Variants in ENAH observed in about 807,000 individuals in gnomAD.
ENAH encodes ENAH actin regulator.
Under a neutral mutation model 78.7 loss-of-function variants are expected in ENAH, and 23 were observed. The observed-to-expected ratio is 0.29, with a 90% CI of 0.21 to 0.41. The LOEUF is 0.41. ENAH is among the 10% of genes least tolerant of loss of function. The probability of loss-of-function intolerance (pLI) is 1.00; values close to 1 mark genes in which losing one functional copy is unlikely to be tolerated. For synonymous variants in ENAH, 226 were observed against 241.0 expected (o/e 0.94, Z 0.58); for missense variants, 544 against 691.0 (o/e 0.79, Z 2.39).
At chr1:225,602,269 A>T (rs1213997449) in intron 1 of ENAH, among the ~76,000 whole-genome samples, 1 of 152,146 alleles carries the variant, frequency 6.6e-6, no homozygotes, top group Non-Finnish European at 1.5e-5. Flanking sequence ...CCGTGATGAG[A>T]CCTTTTTTTA....
At chr1:225,609,754 T>A (rs915752900) in intron 1 of ENAH, among the ~76,000 whole-genome samples, 1 of 127,964 alleles carries the variant, frequency 7.8e-6, no homozygotes, top group South Asian at 2.6e-4. Context: ...AACATCCACC[T>A]CTCAGGTTCA....
intron 2 of ENAH, among the ~76,000 whole-genome samples, chr1:225,556,405 T>C (rs570142720): frequency 5.3e-5 from 8 of 152,330 alleles, no homozygotes; most frequent in African/African-American, 1.9e-4. Context: ...TTAGCAATTC[T>C]GGTGGGTATG....
At chr1:225,557,627 C>G (rs1178619797) in intron 2 of ENAH, among the ~76,000 whole-genome samples, 1 of 152,164 alleles carries the variant, frequency 6.6e-6, no homozygotes, top group Non-Finnish European at 1.5e-5. Context: ...TCAAGACCAG[C>G]CTGGCCAACA....
At chr1:225,631,945 AG>A (rs1659162289) in intron 1 of ENAH, among the ~76,000 whole-genome samples, 1 of 150,794 alleles carries the variant, frequency 6.6e-6, no homozygotes. Flanking sequence ...TAACAGTTTA[AG>A]TTTTTCTCCT....
chr1:225,608,220 G>GAA (rs60998592), intron 1 of ENAH, among the ~76,000 whole-genome samples: 1,581 of 91,276 alleles, frequency 0.017, 40 homozygotes, highest in African/African-American at 0.055. Flanking sequence ...ATAAAAAACA[G>GAA]AAAAAAAAAA....
intron 3 of ENAH, 47 bp from the exon 4 acceptor site, chr1:225,530,685 G>C (rs1480544977): frequency 4.4e-6 from 6 of 1,369,540 alleles, no homozygotes; most frequent in Non-Finnish European, 6.3e-6. Flanking sequence ...TTCATATCTA[G>C]CTGGACAGAG....
chr1:225,615,033 C>A (rs2097017257), intron 1 of ENAH, among the ~76,000 whole-genome samples: 1 of 132,372 alleles, frequency 7.6e-6, no homozygotes, highest in Admixed American at 7.4e-5. Context: ...GATGCCCTCT[C>A]CCCGGTCTCC....
intron 11 of ENAH, among the ~76,000 whole-genome samples, chr1:225,504,064 T>G (rs1575313784): frequency 6.6e-6 from 1 of 151,866 alleles, no homozygotes; most frequent in African/African-American, 2.4e-5. Flanking sequence ...TAGGGTGCAG[T>G]GGTGTTATCA....
At chr1:225,507,827 G>A in intron 11 of ENAH, 124 bp downstream of exon 11, 2 of 580,774 alleles carry the variant, frequency 3.4e-6, no homozygotes, top group East Asian at 3.2e-5. Context: ...ATACTAGGAG[G>A]ATCACGAGAG....
At chr1:225,517,868 G>C in intron 5 of ENAH, 1 of 1,551,488 alleles carries the variant, frequency 6.4e-7, no homozygotes, top group Non-Finnish European at 8.7e-7. Context: ...GCATAATCAG[G>C]AGTGGCATCT....
chr1:225,642,238 T>C (rs1295872473), intron 1 of ENAH, among the ~76,000 whole-genome samples: 1 of 149,714 alleles, frequency 6.7e-6, no homozygotes, highest in African/African-American at 2.5e-5. Flanking sequence ...AAGATACATA[T>C]AGTAAAGTTT....
At chr1:225,506,355 T>C (rs2096329324) in intron 11 of ENAH, among the ~76,000 whole-genome samples, 1 of 152,158 alleles carries the variant, frequency 6.6e-6, no homozygotes. Context: ...GCCCAGCTAA[T>C]TTTTGTATTT....
intron 3 of ENAH, among the ~76,000 whole-genome samples, chr1:225,534,327 C>A (rs1189326785): frequency 6.6e-6 from 1 of 152,102 alleles, no homozygotes; most frequent in Non-Finnish European, 1.5e-5. Context: ...ACACAATAGG[C>A]TCACTGCTGT....
Position 225,623,122 on chromosome 1 carries a change from G to C in ENAH, c.5+29564C>G, listed in dbSNP as rs920887580. On this transcript the variant is annotated intron_variant, in intron 1 of 13. Transcript: ENST00000366843. ...AAGAAAGGCAGATAGAATTTTTCAA[G>C]ACACTAGAGTTCTTACTACGGATTT... Among the ~76,000 whole-genome samples the C allele has an allele frequency of 2.0e-5, 3 of 152,124 alleles. No individual in the cohort carries two copies. In the East Asian group the frequency reaches 5.8e-4, roughly 29 times the overall value.
chr1:225,512,545 A>G (rs572456103), intron 9 of ENAH, 112 bp downstream of exon 9: 19 of 1,092,448 alleles, frequency 1.7e-5, no homozygotes, highest in South Asian at 3.4e-5. Context: ...ATTAGCAAAT[A>G]TAAGTTCAAA....
At chr1:225,512,521 A>G in intron 9 of ENAH, 136 bp downstream of exon 9, 1 of 816,562 alleles carries the variant, frequency 1.2e-6, no homozygotes, top group Non-Finnish European at 1.9e-6. Flanking sequence ...GCCACTTCAC[A>G]TGCATAGTTA....
intron 1 of ENAH, among the ~76,000 whole-genome samples, chr1:225,601,229 T>C (rs952673057): frequency 4.6e-5 from 7 of 151,996 alleles, no homozygotes; most frequent in Admixed American, 6.5e-5. Flanking sequence ...AAACAGAAGG[T>C]TCCAATTACG....
intron 1 of ENAH, among the ~76,000 whole-genome samples, chr1:225,608,264 A>G (rs2148085206): frequency 6.6e-6 from 1 of 150,958 alleles, no homozygotes; most frequent in Non-Finnish European, 1.5e-5. Context: ...CAAAGAGTAG[A>G]TAAAAGAATT....
chr1:225,579,694 G>C (rs1202220184), intron 1 of ENAH, among the ~76,000 whole-genome samples: 1 of 152,196 alleles, frequency 6.6e-6, no homozygotes, highest in African/African-American at 2.4e-5. Context: ...CACAATGTAT[G>C]AGTTTAGCAC....
Sources: gnomAD v4.1 joint callset for allele counts (sites outside exome capture counted in the v4.1 genomes callset) on GRCh38, gnomAD v4.1.1 for gene constraint, MANE v1.5 for transcripts, NCBI Gene and HGNC (gene_info 2026-07-23, HGNC 2026-07-21) for gene names.